Variants in FIP1L1 observed in about 807,000 individuals in gnomAD.
The protein encoded by FIP1L1 is factor interacting with PAPOLA and CPSF1.
In FIP1L1, 21 loss-of-function variants were observed where a neutral mutation model predicts 84.6. That is an observed-to-expected ratio of 0.25 (90% CI 0.18 to 0.36). FIP1L1 has a LOEUF of 0.36. FIP1L1 is among the 10% of genes least tolerant of loss of function. The pLI is 1.00. For missense variants in FIP1L1, 526 were observed against 751.1 expected (o/e 0.70, Z 3.50); for synonymous variants, 263 against 242.3 (o/e 1.09, Z -0.80).
chr4:53,384,155 T>TC (rs1459602767), intron 5 of FIP1L1, among the ~76,000 whole-genome samples: 1 of 152,184 alleles, frequency 6.6e-6, no homozygotes, highest in African/African-American at 2.4e-5. Context: ...ATGCCTGTAA[T>TC]CCCAGGACTT....
chr4:53,443,947 A>G, intron 14 of FIP1L1, 101 bp from the exon 15 acceptor site: 1 of 659,762 alleles, frequency 1.5e-6, no homozygotes, highest in Non-Finnish European at 2.6e-6. Flanking sequence ...TGGTGGTTGG[A>G]TAAAAGTTGT....
chr4:53,382,251 A>G (rs56007140), intron 3 of FIP1L1, 27 bp from the exon 4 acceptor site: 205,043 of 1,551,014 alleles, frequency 0.13, 14,558 homozygotes, highest in East Asian at 0.17. Flanking sequence ...AATGCCTGAC[A>G]TGTATACTTA....
At chr4:53,409,412 G>C (rs749125506) in intron 10 of FIP1L1, among the ~76,000 whole-genome samples, 1 of 152,158 alleles carries the variant, frequency 6.6e-6, no homozygotes, top group South Asian at 2.1e-4. Flanking sequence ...CCTACTGGGG[G>C]GTGTCTCCCA....
At chr4:53,388,151 A>C (rs1742108134) in intron 5 of FIP1L1, among the ~76,000 whole-genome samples, 2 of 152,216 alleles carry the variant, frequency 1.3e-5, no homozygotes, top group African/African-American at 4.8e-5. Flanking sequence ...GACAGTGCAA[A>C]TGTAACTAAA....
In FIP1L1 at chr4:53,448,771, T is replaced by C. The variant is rs1486110322; in HGVS notation, c.1286-4149T>C. Among the ~76,000 whole-genome samples, 141 of 152,286 alleles carry C rather than the reference T, an allele frequency of 9.3e-4. 1 individual carries two copies. The highest frequency in any genetic ancestry group is 1.9e-4 in the Non-Finnish European group (13 of 67,962). ...TCATACCTTTACAGCATTGAGTTTA[T>C]CAGTGATCAAGGACTTTCTCTCCAT... On this transcript the variant is annotated intron_variant, in intron 15 of 17. Transcript: ENST00000337488.
At chr4:53,409,168 T>G (rs1285705113) in intron 10 of FIP1L1, among the ~76,000 whole-genome samples, 3 of 152,044 alleles carry the variant, frequency 2.0e-5, no homozygotes. Flanking sequence ...TACAGATGGG[T>G]TTTTGGTGTG....
chr4:53,431,302 G>C (rs2150061092), intron 13 of FIP1L1, among the ~76,000 whole-genome samples: 1 of 152,216 alleles, frequency 6.6e-6, no homozygotes, highest in African/African-American at 2.4e-5. Context: ...TCCGTAGTTT[G>C]TTGTAATTTA....
intron 1 of FIP1L1, chr4:53,378,764 G>T: frequency 3.2e-6 from 1 of 315,694 alleles, no homozygotes; most frequent in Middle Eastern, 9.5e-4. Context: ...TTTGTTCCTT[G>T]CCTAAAACAT....
chr4:53,400,626 G>A (rs1047775475), intron 10 of FIP1L1, among the ~76,000 whole-genome samples: 6 of 152,060 alleles, frequency 3.9e-5, no homozygotes, highest in Non-Finnish European at 5.9e-5. Context: ...CTACAGTTTT[G>A]TATTGTTATA....
chr4:53,405,614 A>C, intron 10 of FIP1L1, among the ~76,000 whole-genome samples: 1 of 145,834 alleles, frequency 6.9e-6, no homozygotes, highest in Non-Finnish European at 1.5e-5. Context: ...GGCCATTTTC[A>C]CGATATTGAT....
intron 13 of FIP1L1, chr4:53,440,720 G>A: frequency 4.0e-6 from 3 of 755,812 alleles, no homozygotes; most frequent in Non-Finnish European, 4.6e-6. Context: ...AGGCTATGGG[G>A]ATTTCAAGGT....
chr4:53,402,758 G>T (rs1750963533), intron 10 of FIP1L1, among the ~76,000 whole-genome samples: 2 of 152,124 alleles, frequency 1.3e-5, no homozygotes, highest in Admixed American at 1.3e-4. Context: ...TATTAAAGGA[G>T]AAATTGGTGG....
intron 15 of FIP1L1, among the ~76,000 whole-genome samples, chr4:53,444,747 A>T (rs1237698904): frequency 6.6e-6 from 1 of 151,900 alleles, no homozygotes; most frequent in Non-Finnish European, 1.5e-5. Context: ...ATGCCGGGCT[A>T]ATTTTGTAGA....
chr4:53,441,413 T>A (rs1014780909), intron 13 of FIP1L1, among the ~76,000 whole-genome samples: 12 of 152,072 alleles, frequency 7.9e-5, no homozygotes, highest in African/African-American at 2.9e-4. Context: ...TGTGAATGTG[T>A]CTGAAAAAGA....
At chr4:53,405,232 G>C (rs1752630503) in intron 10 of FIP1L1, among the ~76,000 whole-genome samples, 1 of 152,034 alleles carries the variant, frequency 6.6e-6, no homozygotes, top group South Asian at 2.1e-4. Context: ...CATATGGCTA[G>C]CCAGTTTTCC....
intron 11 of FIP1L1, among the ~76,000 whole-genome samples, chr4:53,425,301 G>T (rs1319083331): frequency 2.0e-5 from 3 of 151,992 alleles, no homozygotes; most frequent in Admixed American, 6.6e-5. Flanking sequence ...ACTTTAAAAA[G>T]ATTGTAGAGG....
At chr4:53,420,055 G>A (rs1453135065) in intron 11 of FIP1L1, among the ~76,000 whole-genome samples, 6 of 151,698 alleles carry the variant, frequency 4.0e-5, no homozygotes, top group Non-Finnish European at 7.4e-5. Context: ...AAAATTAGCC[G>A]GGCGCGGTGG....
chr4:53,381,035 G>A (rs554863223), intron 3 of FIP1L1, among the ~76,000 whole-genome samples: 4 of 152,270 alleles, frequency 2.6e-5, no homozygotes, highest in African/African-American at 4.8e-5. Context: ...GAGTGTCACT[G>A]TCAACATAGC....
intron 4 of FIP1L1, 98 bp from the exon 5 acceptor site, chr4:53,383,675 G>GA (rs943248259): frequency 0.14 from 129,131 of 917,188 alleles, 2 homozygotes; most frequent in South Asian, 0.19. Flanking sequence ...ACAGAAGAAA[G>GA]AAAAAAAAAA....
Sources: gnomAD v4.1 joint callset for allele counts (sites outside exome capture counted in the v4.1 genomes callset) on GRCh38, gnomAD v4.1.1 for gene constraint, MANE v1.5 for transcripts, NCBI Gene and HGNC (gene_info 2026-07-23, HGNC 2026-07-21) for gene names.